Variants in RBPMS observed in about 807,000 individuals in gnomAD.
RBPMS encodes RNA-binding protein with multiple splicing.
A neutral mutation model predicts 26.8 loss-of-function variants in RBPMS; 7 were observed. That is an observed-to-expected ratio of 0.26 (90% confidence interval 0.15 to 0.49). The LOEUF is 0.49. RBPMS is among the 20% of genes least tolerant of loss of function. The pLI is 0.98. For missense variants in RBPMS, 186 were observed against 250.0 expected, an observed-to-expected ratio of 0.74 and a Z score of 1.73; for synonymous variants, 96 against 93.3, an observed-to-expected ratio of 1.03 and a Z score of -0.17.
intron 1 of RBPMS, among the ~76,000 whole-genome samples, chr8:30,469,894 A>G (rs1171596117): frequency 6.6e-6 from 1 of 152,116 alleles, no homozygotes; most frequent in Non-Finnish European, 1.5e-5. Flanking sequence ...TGAATGAGCT[A>G]AGCTTTCTGT....
At chr8:30,504,889 G>T (rs1471051492) in intron 5 of RBPMS, among the ~76,000 whole-genome samples, 1 of 152,132 alleles carries the variant, frequency 6.6e-6, no homozygotes, top group East Asian at 1.9e-4. Flanking sequence ...ATTCAGTTTA[G>T]CCATAACTCT....
chr8:30,416,416 C>CTTA (rs1001687472), intron 1 of RBPMS, among the ~76,000 whole-genome samples: 6 of 151,938 alleles, frequency 3.9e-5, no homozygotes, highest in African/African-American at 1.5e-4. Flanking sequence ...ACTGCAACCT[C>CTTA]TGCCTCCCGG....
rs575863742 is a variant in RBPMS, at chr8:30,439,758, C to CAA, written c.67-35021_67-35020insAA. Among the ~76,000 whole-genome samples, 632 of 152,212 alleles carry CAA rather than the reference C, an allele frequency of 4.2e-3. 3 individuals are homozygous for CAA. Among genetic ancestry groups the CAA allele is most frequent in the African/African-American group, 0.014 (590 of 41,518 alleles). On this transcript the variant is annotated intron_variant, in intron 1 of 8. Coordinates refer to ENST00000397323, the MANE Select transcript of RBPMS (RefSeq NM_001008710.3). ...GCAGCCTTGACCTGGCTCAGGCAGTCCTCCTACCTCAGCTTCCTGAGTAGG... is the reference window on the plus strand; with the variant it reads ...GCAGCCTTGACCTGGCTCAGGCAGTCAACTCCTACCTCAGCTTCCTGAGTAGG...
chr8:30,500,314 C>A (rs1332129151), intron 4 of RBPMS, among the ~76,000 whole-genome samples: 1 of 151,554 alleles, frequency 6.6e-6, no homozygotes, highest in East Asian at 1.9e-4. Flanking sequence ...TCCTCTACCC[C>A]CATACTACCA....
intron 1 of RBPMS, among the ~76,000 whole-genome samples, chr8:30,445,550 T>G: frequency 6.6e-6 from 1 of 151,362 alleles, no homozygotes; most frequent in South Asian, 2.1e-4. Flanking sequence ...ATGGAAAGCT[T>G]ACATTGGAGT....
chr8:30,435,383 A>T (rs1179602402), intron 1 of RBPMS, among the ~76,000 whole-genome samples: 1 of 152,128 alleles, frequency 6.6e-6, no homozygotes, highest in Non-Finnish European at 1.5e-5. Flanking sequence ...GGGATGCTCA[A>T]CCTACACTAC....
chr8:30,499,738 G>A (rs1339589997), intron 4 of RBPMS, among the ~76,000 whole-genome samples: 1 of 152,192 alleles, frequency 6.6e-6, no homozygotes, highest in East Asian at 1.9e-4. Context: ...TGACAACTAA[G>A]TGCTGTGTGA....
intron 7 of RBPMS, among the ~76,000 whole-genome samples, chr8:30,559,769 G>A (rs1372593659): frequency 6.6e-6 from 1 of 152,196 alleles, no homozygotes. Flanking sequence ...TGAGAAGAGG[G>A]AGGGGCCTGA....
chr8:30,539,633 C>T (rs1371625892), intron 5 of RBPMS, among the ~76,000 whole-genome samples: 1 of 145,104 alleles, frequency 6.9e-6, no homozygotes. Flanking sequence ...AAAATCTTTT[C>T]TTTTTTTTTT....
At chr8:30,486,424 C>A (rs1239648072) in intron 4 of RBPMS, among the ~76,000 whole-genome samples, 1 of 151,164 alleles carries the variant, frequency 6.6e-6, no homozygotes, top group Non-Finnish European at 1.5e-5. Flanking sequence ...CTACTTTTTA[C>A]CAGGCTGGCC....
chr8:30,470,388 A>G (rs1438673264), intron 1 of RBPMS, among the ~76,000 whole-genome samples: 2 of 152,162 alleles, frequency 1.3e-5, no homozygotes, highest in African/African-American at 4.8e-5. Context: ...CATCTAAAAA[A>G]AAAAAATCTG....
intron 1 of RBPMS, among the ~76,000 whole-genome samples, chr8:30,391,431 A>G (rs1807777163): frequency 6.6e-6 from 1 of 152,186 alleles, no homozygotes; most frequent in Admixed American, 6.5e-5. Flanking sequence ...AGGGAATGCA[A>G]ATGTTCCTCT....
chr8:30,464,248 A>G (rs979038482), intron 1 of RBPMS, among the ~76,000 whole-genome samples: 1 of 152,168 alleles, frequency 6.6e-6, no homozygotes, highest in African/African-American at 2.4e-5. Context: ...CAATTTTTAC[A>G]TTCACTCATT....
chr8:30,562,415 C>T (rs1054726235), intron 7 of RBPMS, among the ~76,000 whole-genome samples: 3 of 151,824 alleles, frequency 2.0e-5, no homozygotes, highest in Non-Finnish European at 2.9e-5. Context: ...CAGACTCCTT[C>T]CTCGGAGCCT....
chr8:30,562,785 C>T (rs182013195), intron 7 of RBPMS, among the ~76,000 whole-genome samples: 16 of 131,932 alleles, frequency 1.2e-4, no homozygotes, highest in East Asian at 8.4e-4. Context: ...TTTCCCAGCA[C>T]GGAAAGAACA....
At chr8:30,485,048 C>T in intron 4 of RBPMS, among the ~76,000 whole-genome samples, 1 of 152,180 alleles carries the variant, frequency 6.6e-6, no homozygotes, top group East Asian at 1.9e-4. Context: ...AAACCTATAT[C>T]ATGAATGTAT....
At position 30,571,435 on chromosome 8, in the gene RBPMS, G is replaced by A. The variant is rs1481413242; in HGVS notation, c.*910G>A. On this transcript the variant is annotated 3_prime_UTR_variant, in exon 9 of 9. Transcript: ENST00000397323. ...CCGCATCCCTGCTCCCGCAGTGTAA[G>A]TGCAGAGCCTGCCTCACTGGTAAGG... The A allele has an allele frequency of 2.0e-5, 3 of 152,310 alleles. No homozygotes were observed. Among genetic ancestry groups the A allele is most frequent in the Non-Finnish European group, 2.9e-5 (2 of 68,080 alleles). 9.4% of individuals were successfully genotyped at this position (152,310 alleles called of 1,614,324 possible).
rs184541682 is a variant in RBPMS at position 30,492,911 on chromosome 8, C to T, written c.247-11375C>T. Among the ~76,000 whole-genome samples the T allele has an allele frequency of 3.6e-4, 55 of 152,156 alleles. 2 individuals are homozygous for T. Among genetic ancestry groups the T allele is most frequent in the Non-Finnish European group, 6.8e-4 (46 of 68,012 alleles). Reference sequence around the variant, plus strand: ...ATTTAAGCCTATGATCTGAGCTTTACAGAGATGAATCACATAATCGGGAAA... The same window carrying T: ...ATTTAAGCCTATGATCTGAGCTTTATAGAGATGAATCACATAATCGGGAAA... On this transcript the variant is annotated intron_variant, in intron 4 of 8. Transcript: ENST00000397323.
chr8:30,424,217 G>A (rs561693592), intron 1 of RBPMS, among the ~76,000 whole-genome samples: 2 of 152,294 alleles, frequency 1.3e-5, no homozygotes, highest in Admixed American at 1.3e-4. Flanking sequence ...TCCTAACCTG[G>A]CTCTGACACT....
Sources: gnomAD v4.1 joint callset for allele counts (sites outside exome capture counted in the v4.1 genomes callset) on GRCh38, gnomAD v4.1.1 for gene constraint, MANE v1.5 for transcripts, NCBI Gene and HGNC (gene_info 2026-07-23, HGNC 2026-07-21) for gene names.